Variants in BLTP3B observed in about 807,000 individuals in gnomAD.
The protein encoded by BLTP3B is bridge-like lipid transfer protein family member 3B.
chr12:100,066,706 A>T, the BLTP3B span, among the ~76,000 whole-genome samples: 11 of 152,086 alleles, frequency 7.2e-5, no homozygotes, highest in South Asian at 2.3e-3. Flanking sequence ...CTGGAGGCTG[A>T]AGCAGGAGAA....
the BLTP3B span, among the ~76,000 whole-genome samples, chr12:100,086,864 T>C: frequency 2.6e-5 from 4 of 152,062 alleles, no homozygotes; most frequent in Admixed American, 2.0e-4. Context: ...TACCTCTTAC[T>C]GAAAAGGAAA....
At chr12:100,118,668 T>C in the BLTP3B span, among the ~76,000 whole-genome samples, 4 of 152,240 alleles carry the variant, frequency 2.6e-5, no homozygotes, top group East Asian at 3.8e-4. Flanking sequence ...ATGTTGGGTA[T>C]GAGAATTCTG....
At chr12:100,085,464 G>A in the BLTP3B span, among the ~76,000 whole-genome samples, 1 of 151,490 alleles carries the variant, frequency 6.6e-6, no homozygotes, top group Non-Finnish European at 1.5e-5. Context: ...TAGTATATAA[G>A]ACAAAATCCT....
chr12:100,072,650 T>C, the BLTP3B span: 1 of 1,468,986 alleles, frequency 6.8e-7, no homozygotes, highest in South Asian at 1.5e-5. Context: ...AATGGACAAA[T>C]AATAATTAAA....
At chr12:100,045,256 T>C in the BLTP3B span, among the ~76,000 whole-genome samples, 419 of 152,226 alleles carry the variant, frequency 2.8e-3, 1 homozygote, top group African/African-American at 9.7e-3. Context: ...CTACTTGAAA[T>C]TTCATATGGA....
At chr12:100,047,912 C>T in the BLTP3B span, 4 of 1,411,932 alleles carry the variant, frequency 2.8e-6, no homozygotes, top group Non-Finnish European at 3.7e-6. Context: ...GGAAAAGGAA[C>T]ATGAAAATAT....
the BLTP3B span, among the ~76,000 whole-genome samples, chr12:100,063,704 T>C: frequency 2.1e-5 from 2 of 94,144 alleles, no homozygotes; most frequent in Admixed American, 1.2e-4. Flanking sequence ...GAACTCCGTC[T>C]CAAAAAAAAA....
At chr12:100,099,501 C>G in the BLTP3B span, among the ~76,000 whole-genome samples, 1 of 150,146 alleles carries the variant, frequency 6.7e-6, no homozygotes, top group Non-Finnish European at 1.5e-5. Flanking sequence ...TAGCTCATGC[C>G]TGTAATCCCA....
At chr12:100,069,245 C>T in the BLTP3B span, among the ~76,000 whole-genome samples, 1 of 151,972 alleles carries the variant, frequency 6.6e-6, no homozygotes, top group South Asian at 2.1e-4. Context: ...GTAGAACTAC[C>T]ATTTGATCCA....
chr12:100,134,848 G>A, the BLTP3B span, among the ~76,000 whole-genome samples: 2 of 152,214 alleles, frequency 1.3e-5, no homozygotes, highest in Admixed American at 1.3e-4. Context: ...GGTCAATCCT[G>A]CCTTTACCTT....
At chr12:100,102,100 CAACTT>C in the BLTP3B span, among the ~76,000 whole-genome samples, 5 of 150,234 alleles carry the variant, frequency 3.3e-5, no homozygotes, top group African/African-American at 1.2e-4. Flanking sequence ...ACACCGAGCC[CAACTT>C]AACTCTTTTT....
chr12:100,109,198 CTCTCTCT>C, the BLTP3B span, among the ~76,000 whole-genome samples: 2 of 140,076 alleles, frequency 1.4e-5, no homozygotes, highest in Non-Finnish European at 3.2e-5. Context: ...CTCTCTCTCT[CTCTCTCT>C]CTCTCTCTCC....
the BLTP3B span, among the ~76,000 whole-genome samples, chr12:100,118,642 T>C: frequency 1.3e-5 from 2 of 152,196 alleles, no homozygotes; most frequent in Admixed American, 6.5e-5. Flanking sequence ...AAAATGCTAA[T>C]AGTAAGAGAG....
At chr12:100,054,081 C>T in the BLTP3B span, among the ~76,000 whole-genome samples, 1 of 152,018 alleles carries the variant, frequency 6.6e-6, no homozygotes, top group African/African-American at 2.4e-5. Context: ...ATCAAAAATG[C>T]AGACAAAAAT....
chr12:100,050,360 T>C, the BLTP3B span: 2 of 1,532,244 alleles, frequency 1.3e-6, no homozygotes, highest in Non-Finnish European at 1.7e-6. Flanking sequence ...GCCAAGCAGT[T>C]CAAAACAAAA....
chr12:100,120,540 A>G, the BLTP3B span, among the ~76,000 whole-genome samples: 1 of 152,342 alleles, frequency 6.6e-6, no homozygotes, highest in South Asian at 2.1e-4. Flanking sequence ...CTTATCCACT[A>G]AAATAGCTAA....
At chr12:100,131,011 G>A in the BLTP3B span, among the ~76,000 whole-genome samples, 17,292 of 117,032 alleles carry the variant, frequency 0.15, 1,704 homozygotes, top group African/African-American at 0.36. Flanking sequence ...GAGAGAGAGA[G>A]AGAGAGAGAG....
chr12:100,134,606 G>A, the BLTP3B span, among the ~76,000 whole-genome samples: 1 of 141,962 alleles, frequency 7.0e-6, no homozygotes, highest in East Asian at 1.9e-4. Flanking sequence ...AACAGAACGA[G>A]ACTCTGTCTC....
chr12:100,043,081 G>A, the BLTP3B span, among the ~76,000 whole-genome samples: 1 of 152,186 alleles, frequency 6.6e-6, no homozygotes, highest in Non-Finnish European at 1.5e-5. Context: ...TTACAGGCGT[G>A]AGCCACCACG....
Sources: gnomAD v4.1 joint callset for allele counts (sites outside exome capture counted in the v4.1 genomes callset) on GRCh38, gnomAD v4.1.1 for gene constraint, MANE v1.5 for transcripts, NCBI Gene and HGNC (gene_info 2026-07-23, HGNC 2026-07-21) for gene names.